Variants in TSC22D2 observed in about 807,000 individuals in gnomAD.
The protein encoded by TSC22D2 is TSC22 domain family member 2.
TSC22D2 carries 5 observed loss-of-function variants against 50.1 expected under a neutral mutation model. The ratio of observed to expected loss-of-function variants is 0.10; its 90% CI spans 0.05 to 0.21. The LOEUF is 0.21. Ranked by LOEUF, TSC22D2 falls within the 10% of genes least tolerant of loss-of-function variation. The pLI is 1.00. For missense variants in TSC22D2, 1,003 were observed against 1,015.5 expected, an observed-to-expected ratio of 0.99 and a Z score of 0.17; for synonymous variants, 501 against 450.1, an observed-to-expected ratio of 1.11 and a Z score of -1.43.
chr3:150,455,610 G>A (rs914497601), intron 1 of TSC22D2, among the ~76,000 whole-genome samples: 1 of 152,106 alleles, frequency 6.6e-6, no homozygotes. Flanking sequence ...TCAGATCCAG[G>A]GAAGTTAAAT....
chr3:150,454,261 G>C (rs1045927223), intron 1 of TSC22D2, among the ~76,000 whole-genome samples: 1 of 152,106 alleles, frequency 6.6e-6, no homozygotes, highest in Non-Finnish European at 1.5e-5. Flanking sequence ...AGCTGAGGGA[G>C]CAGTTTCTGC....
At chr3:150,418,356 CATCAG>C (rs1719893594) in intron 1 of TSC22D2, among the ~76,000 whole-genome samples, 1 of 151,968 alleles carries the variant, frequency 6.6e-6, no homozygotes, top group East Asian at 1.9e-4. Flanking sequence ...CAATTTGAGA[CATCAG>C]ATCAGATTGG....
chr3:150,457,241 A>T, intron 2 of TSC22D2, 114 bp downstream of exon 2: 1 of 957,512 alleles, frequency 1.0e-6, no homozygotes, highest in Non-Finnish European at 1.6e-6. Flanking sequence ...TGACCAAATC[A>T]TGTTTTTTGA....
At chr3:150,439,050 C>T (rs137915028) in intron 1 of TSC22D2, among the ~76,000 whole-genome samples, 95 of 152,200 alleles carry the variant, frequency 6.2e-4, no homozygotes, top group African/African-American at 2.2e-3. Flanking sequence ...GAGTTTAGCT[C>T]AGGATAAGAC....
chr3:150,443,433 C>A (rs140630737), intron 1 of TSC22D2, among the ~76,000 whole-genome samples: 1 of 152,296 alleles, frequency 6.6e-6, no homozygotes, highest in East Asian at 1.9e-4. Flanking sequence ...TCATAAAGTT[C>A]TTTTTCAAAA....
At chr3:150,417,304 AG>A (rs1471114485) in intron 1 of TSC22D2, among the ~76,000 whole-genome samples, 1 of 152,128 alleles carries the variant, frequency 6.6e-6, no homozygotes, top group Non-Finnish European at 1.5e-5. Context: ...GGATTCCCAA[AG>A]GTAAGTGTAA....
intron 1 of TSC22D2, among the ~76,000 whole-genome samples, chr3:150,439,972 C>T (rs971617356): frequency 6.6e-6 from 1 of 152,126 alleles, no homozygotes; most frequent in African/African-American, 2.4e-5. Flanking sequence ...GCAGAGTAGT[C>T]GTGTTTTGGC....
rs753814825 is a variant in TSC22D2 at position 150,411,033 on chromosome 3, A to T, written c.1683A>T (p.Leu561Phe). 1.2e-6 allele frequency: 2 copies of T among 1,614,204 alleles called. No homozygotes were observed. Among genetic ancestry groups the T allele is most frequent in the Non-Finnish European group, 1.7e-6 (2 of 1,180,032 alleles). The change falls in exon 1 of 3, where the codon TTA becomes TTT. Residue 561 changes from leucine to phenylalanine, a missense_variant. This residue lies in a region of TSC22D2 where 696 missense variants were observed against 647.8 expected (regional missense o/e 1.07). Coordinates refer to ENST00000688009, the MANE Select transcript of TSC22D2 (RefSeq NM_001303264.2). ...TAATCCAGCATGTTGGGCTGCCCTT[A>T]GCGCCAGGCACACACAGCGCACCAA... The part of the protein sequence containing the change: ...SSIIQHVGLP[L>F]APGTHSAPTS...
At chr3:150,431,771 G>C (rs1042213432) in intron 1 of TSC22D2, among the ~76,000 whole-genome samples, 1 of 152,146 alleles carries the variant, frequency 6.6e-6, no homozygotes, top group African/African-American at 2.4e-5. Flanking sequence ...TGGGTGGTGG[G>C]TGGCAAGAGT....
chr3:150,409,813 CCCA>C lies in TSC22D2; in HGVS notation c.468_470del (p.Thr157del), dbSNP rs1490107504. On this transcript the variant is annotated inframe_deletion, in exon 1 of 3. Coordinates refer to ENST00000688009, the MANE Select transcript of TSC22D2 (RefSeq NM_001303264.2). The surrounding 1 kb of genome is among the most constrained non-coding windows in gnomAD (Gnocchi z 7.4). ...AGTGACTGCAGCCCCATCTCAGCCT[CCCA>C]CCACATGTAGTTCCCGTTTTCGCGT... The C allele has an allele frequency of 6.2e-7, 1 of 1,604,404 alleles. No homozygotes were observed. The highest frequency in any genetic ancestry group is 8.5e-7 in the Non-Finnish European group (1 of 1,179,976).
intron 1 of TSC22D2, among the ~76,000 whole-genome samples, chr3:150,434,437 C>T (rs1453900601): frequency 6.6e-6 from 1 of 152,160 alleles, no homozygotes; most frequent in Non-Finnish European, 1.5e-5. Flanking sequence ...GCCACTGTGT[C>T]CAACCCAAAT....
rs139411630 is a variant in TSC22D2, at chr3:150,410,924, C to A, written c.1574C>A (p.Ser525Tyr). The A allele has an allele frequency of 3.7e-6, 6 of 1,614,152 alleles. No individual in the cohort carries two copies. The highest frequency in any genetic ancestry group is 4.2e-6 in the Non-Finnish European group (5 of 1,180,048). ...AGCGTGCCTAGTGTGTCTACCACTT[C>A]TGTTACTATGCCAAATGTACCCGCG... is the stretch of plus-strand genomic sequence containing the variant. ...APSVPSVSTT[S>Y]VTMPNVPAPL... The change falls in exon 1 of 3, where the codon TCT becomes TAT. Residue 525 changes from serine to tyrosine, a missense_variant. By Grantham distance (144) the Ser-to-Tyr change is moderately radical. Transcript: ENST00000688009.
chr3:150,456,958 T>C, intron 1 of TSC22D2, 118 bp from the exon 2 acceptor site: 1 of 824,200 alleles, frequency 1.2e-6, no homozygotes, highest in Non-Finnish European at 2.0e-6. Context: ...CAGAATAAGC[T>C]ATTTTAAATT....
intron 1 of TSC22D2, among the ~76,000 whole-genome samples, chr3:150,453,569 A>C (rs2108103294): frequency 6.6e-6 from 1 of 152,320 alleles, no homozygotes; most frequent in East Asian, 1.9e-4. Flanking sequence ...CCCCAAGAGT[A>C]AATCTGGGGT....
chr3:150,460,246 G>T lies in TSC22D2; in HGVS notation c.*1610G>T, dbSNP rs1013396550. 7.9e-5 allele frequency: 12 copies of T among 151,924 alleles called. No individual in the cohort carries two copies. Among genetic ancestry groups the T allele is most frequent in the African/African-American group, 2.9e-4 (12 of 41,396 alleles). The allele number at this position is 151,924 out of a possible 1,614,324, so 9.4% of individuals were successfully genotyped here. On this transcript the variant is annotated 3_prime_UTR_variant, in exon 3 of 3. Coordinates refer to ENST00000688009, the MANE Select transcript of TSC22D2 (RefSeq NM_001303264.2). ...AATTTTCAAAGTAAAACAATTTAAA[G>T]AATGCAAAAATAGTGAGCAATATTT...
At chr3:150,436,616 A>T (rs909542971) in intron 1 of TSC22D2, among the ~76,000 whole-genome samples, 2 of 152,246 alleles carry the variant, frequency 1.3e-5, no homozygotes, top group Non-Finnish European at 2.9e-5. Flanking sequence ...TAATACATTA[A>T]TGAAATGACC....
In TSC22D2 at chr3:150,422,540, G is replaced by A. The variant is rs564010009; in HGVS notation, c.1958+11232G>A. ...TATAAATAAATGGATTTTGAAGGTG[G>A]AAATGTGTCAAGTCCAACCCAGGAA... On this transcript the variant is annotated intron_variant, in intron 1 of 2. Coordinates refer to ENST00000688009, the MANE Select transcript of TSC22D2 (RefSeq NM_001303264.2). Among the ~76,000 whole-genome samples, 274 of 152,206 alleles carry A rather than the reference G, an allele frequency of 1.8e-3. 1 individual carries two copies. The highest frequency in any genetic ancestry group is 0.01 in the Middle Eastern group (3 of 294).
chr3:150,423,802 T>C (rs1435010252), intron 1 of TSC22D2, among the ~76,000 whole-genome samples: 1 of 152,200 alleles, frequency 6.6e-6, no homozygotes, highest in East Asian at 1.9e-4. Flanking sequence ...GTTCAATCGT[T>C]TTGCTGAATA....
intron 1 of TSC22D2, among the ~76,000 whole-genome samples, chr3:150,414,517 A>G (rs1302269063): frequency 1.3e-5 from 2 of 152,210 alleles, no homozygotes; most frequent in East Asian, 3.8e-4. Flanking sequence ...GTGAGCTGTC[A>G]TCTGTGGCCA....
Sources: allele counts gnomAD v4.1 joint callset (sites outside exome capture counted in the v4.1 genomes callset), GRCh38; gene constraint gnomAD v4.1.1; regional missense constraint gnomAD v4.1.1; non-coding constraint Gnocchi (gnomAD v3.1); transcripts MANE v1.5; gene names NCBI Gene and HGNC (gene_info 2026-07-23, HGNC 2026-07-21).